PITPNM3: variants seen among roughly 807,000 people sequenced by gnomAD.
The protein encoded by PITPNM3 is PITPNM family member 3, also known as membrane-associated phosphatidylinositol transfer protein 3.
Under a neutral mutation model 102.0 loss-of-function variants are expected in PITPNM3, and 26 were observed. The ratio of observed to expected loss-of-function variants is 0.25; its 90% CI spans 0.19 to 0.35. The LOEUF (loss-of-function observed/expected upper bound fraction) is 0.35. Ranked by LOEUF, PITPNM3 falls within the 10% of genes least tolerant of loss-of-function variation. The probability of loss-of-function intolerance (pLI) is 1.00; values close to 1 mark genes in which losing one functional copy is unlikely to be tolerated. For missense variants in PITPNM3, 1,083 were observed against 1,346.1 expected, an observed-to-expected ratio of 0.80 and a Z score of 3.06; for synonymous variants, 578 against 558.6, an observed-to-expected ratio of 1.03 and a Z score of -0.49.
At chr17:6,477,337 T>A in intron 8 of PITPNM3, 124 bp from the exon 9 acceptor site, 1 of 1,029,808 alleles carries the variant, frequency 9.7e-7, no homozygotes, top group Middle Eastern at 2.6e-4. Context: ...GCTACCCTTC[T>A]TCCAAAAGAC....
intron 4 of PITPNM3, among the ~76,000 whole-genome samples, chr17:6,500,349 G>C (rs1218505169): frequency 6.6e-6 from 1 of 152,206 alleles, no homozygotes; most frequent in Non-Finnish European, 1.5e-5. Context: ...GATTCTTCTT[G>C]TTTTAATTCA....
Position 6,464,875 on chromosome 17 carries a change from G to A in PITPNM3, c.1891-104C>T, listed in dbSNP as rs556139330. ...CTGGCTGGAGGCATATCAGCTTGCT[G>A]AATCATGTCTCTCTACTAACTTCTG... is the stretch of plus-strand genomic sequence containing the variant. On this transcript the variant is annotated intron_variant, in intron 14 of 19. Coordinates refer to ENST00000262483, the MANE Select transcript of PITPNM3 (RefSeq NM_031220.4). 408 of 1,062,912 alleles carry A rather than the reference G, an allele frequency of 3.8e-4. 6 individuals carry two copies. Among genetic ancestry groups the A allele is most frequent in the South Asian group, 3.4e-3 (268 of 79,652 alleles). 65.8% of individuals were successfully genotyped at this position (1,062,912 alleles called of 1,614,324 possible). A position where few individuals can be genotyped will look rare whatever the true frequency, so the allele number is the denominator to read the frequency against.
chr17:6,503,892 C>A (rs1474402342), intron 3 of PITPNM3, among the ~76,000 whole-genome samples: 2 of 152,132 alleles, frequency 1.3e-5, no homozygotes, highest in Non-Finnish European at 2.9e-5. Context: ...GAGCTGCCTG[C>A]CTCTCTATAC....
At chr17:6,511,071 T>C (rs950130621) in intron 3 of PITPNM3, among the ~76,000 whole-genome samples, 1 of 152,242 alleles carries the variant, frequency 6.6e-6, no homozygotes, top group African/African-American at 2.4e-5. Context: ...AGCCCCTTTA[T>C]GTCCCTCATG....
At chr17:6,496,528 T>C (rs1383543808) in intron 4 of PITPNM3, among the ~76,000 whole-genome samples, 1 of 152,116 alleles carries the variant, frequency 6.6e-6, no homozygotes, top group Admixed American at 6.5e-5. Context: ...ACTCTTCCTG[T>C]CCTCTCCACA....
At chr17:6,530,576 C>T (rs1909090641) in intron 2 of PITPNM3, among the ~76,000 whole-genome samples, 1 of 152,198 alleles carries the variant, frequency 6.6e-6, no homozygotes, top group East Asian at 1.9e-4. Context: ...AGGACTCCTC[C>T]AGCTTCTAGC....
rs141911061 is a variant in PITPNM3, at chr17:6,474,511, A to G, written c.1179T>C (p.Asp393=). The part of the protein sequence containing the change: ...PEVSLGRFDF[D]VSDFFLFGSP... ...AGCCGAAGAGGAAGAAGTCGGACAC[A>G]TCGAAGTCAAAGCGGCCCAGGCTGA... Residue 393 remains aspartate (D), a synonymous_variant, in exon 10 of 20, where the codon GAT becomes GAC. Transcript: ENST00000262483. 127 of 1,613,284 alleles carry G rather than the reference A, an allele frequency of 7.9e-5. 1 individual carries two copies. The African/African-American group carries it at 1.3e-3, about 17-fold the overall frequency.
chr17:6,464,625 G>A (rs759298308), intron 15 of PITPNM3, 30 bp downstream of exon 15: 3 of 1,586,668 alleles, frequency 1.9e-6, no homozygotes, highest in Admixed American at 3.3e-5. Flanking sequence ...AGGTGGAGTG[G>A]CTGAGGAGGG....
Position 6,478,152 on chromosome 17 carries a change from C to A in PITPNM3, c.778-55G>T. 5 of 1,607,880 alleles carry A rather than the reference C, an allele frequency of 3.1e-6. No individual in the cohort carries two copies. Among genetic ancestry groups the A allele is most frequent in the Middle Eastern group, 1.7e-4 (1 of 6,058 alleles). ...CTGCCCACTGCTGACCCCTCACCCC[C>A]ACACCCGGCCAGAGCAGTGCTGCCT... On this transcript the variant is annotated intron_variant, in intron 7 of 19. Transcript: ENST00000262483. This position sits in a 1 kb window ranked among gnomAD's most constrained non-coding sequence, Gnocchi z 4.4.
At chr17:6,505,680 C>G (rs1202425777) in intron 3 of PITPNM3, among the ~76,000 whole-genome samples, 1 of 152,210 alleles carries the variant, frequency 6.6e-6, no homozygotes, top group African/African-American at 2.4e-5. Flanking sequence ...CTTTGACCAC[C>G]CAGCAGAGCT....
At chr17:6,490,857 G>A (rs1567674198) in intron 4 of PITPNM3, among the ~76,000 whole-genome samples, 1 of 149,894 alleles carries the variant, frequency 6.7e-6, no homozygotes, top group Non-Finnish European at 1.5e-5. Flanking sequence ...AGCTACCTGG[G>A]AGACTGAGGC....
chr17:6,489,635 G>A (rs1423017387), intron 4 of PITPNM3, among the ~76,000 whole-genome samples: 2 of 152,204 alleles, frequency 1.3e-5, no homozygotes, highest in Admixed American at 1.3e-4. Flanking sequence ...GGAGGAAAAA[G>A]TGAGGAGAGG....
At chr17:6,462,169 G>A (rs780290486) in intron 17 of PITPNM3, among the ~76,000 whole-genome samples, 4 of 152,170 alleles carry the variant, frequency 2.6e-5, no homozygotes, top group Admixed American at 2.6e-4. Context: ...TCCTAAAGAC[G>A]AAAGGAGTTA....
chr17:6,545,691 C>T (rs370068365), intron 1 of PITPNM3, among the ~76,000 whole-genome samples: 211 of 152,324 alleles, frequency 1.4e-3, no homozygotes, highest in African/African-American at 4.9e-3. Flanking sequence ...CCCCCAATTC[C>T]TATTGATGCT....
Position 6,458,815 on chromosome 17 carries a change from C to T in PITPNM3, c.2491-1093G>A, listed in dbSNP as rs1289357855. 2.6e-5 allele frequency among the ~76,000 whole-genome samples: 4 copies of T among 152,110 alleles called. No homozygotes were observed. The highest frequency in any genetic ancestry group is 9.7e-5 in the African/African-American group (4 of 41,414). ...ACACCTGCCCGGCCAAATCTCAGCC[C>T]TGGAAATTTTTTCCACTATCCACCT... On this transcript the variant is annotated intron_variant, in intron 18 of 19. Transcript: ENST00000262483. This position sits in a 1 kb window ranked among gnomAD's most constrained non-coding sequence, Gnocchi z 5.1.
At chr17:6,473,093 T>C (rs1905139842) in intron 10 of PITPNM3, 1 of 529,496 alleles carries the variant, frequency 1.9e-6, no homozygotes, top group Admixed American at 3.2e-5. Flanking sequence ...GAGCCTTTGC[T>C]CAAAACATCC....
Position 6,525,454 on chromosome 17 carries a change from G to T in PITPNM3, c.128C>A (p.Ala43Asp), listed in dbSNP as rs1196482683. Residue 43 changes from alanine to aspartate, a missense_variant, in exon 3 of 20, where the codon GCT becomes GAT. This residue lies in a region of PITPNM3 where 290 missense variants were observed against 337.8 expected (regional missense o/e 0.86). Transcript: ENST00000262483. ...DEFFDAREEMAEGKNAILIGM... is the reference protein window; with the variant it reads ...DEFFDAREEMDEGKNAILIGM... ...AATGAGGATGGCATTCTTCCCTTCA[G>T]CCATCTCCTCTGTGGGAAGAAGCAG... 1.9e-6 allele frequency: 3 copies of T among 1,613,918 alleles called. No homozygotes were observed. The highest frequency in any genetic ancestry group is 2.5e-6 in the Non-Finnish European group (3 of 1,179,780).
intron 4 of PITPNM3, among the ~76,000 whole-genome samples, chr17:6,486,932 C>T (rs1209176530): frequency 6.6e-6 from 1 of 152,196 alleles, no homozygotes; most frequent in Admixed American, 6.5e-5. Context: ...CTCAATCAAC[C>T]TATGTCACTT....
At position 6,469,207 on chromosome 17, in the gene PITPNM3, C is replaced by T. The variant is rs1453513591; in HGVS notation, c.1774-866G>A. Among the ~76,000 whole-genome samples the T allele has an allele frequency of 6.6e-6, 1 of 152,192 alleles. No individual in the cohort carries two copies. Among genetic ancestry groups the T allele is most frequent in the African/African-American group, 2.4e-5 (1 of 41,442 alleles). The stretch of plus-strand genomic sequence containing the variant: ...AAATGCCGTCCAAGCTCTGATGACA[C>T]CCACATTTTTATCTGGAATCCTGAT... On this transcript the variant is annotated intron_variant, in intron 13 of 19. Coordinates refer to ENST00000262483, the MANE Select transcript of PITPNM3 (RefSeq NM_031220.4). The surrounding 1 kb of genome is among the most constrained non-coding windows in gnomAD (Gnocchi z 4.0).
Sources: gnomAD v4.1 joint callset for allele counts (sites outside exome capture counted in the v4.1 genomes callset) on GRCh38, gnomAD v4.1.1 for gene constraint, gnomAD v4.1.1 regional missense constraint, Gnocchi (gnomAD v3.1) non-coding constraint, MANE v1.5 for transcripts, NCBI Gene and HGNC (gene_info 2026-07-23, HGNC 2026-07-21) for gene names.